Variants in CNTNAP5 observed in about 807,000 individuals in gnomAD.
The protein encoded by CNTNAP5 is contactin associated protein family member 5.
In CNTNAP5, 72 loss-of-function variants were observed where a neutral mutation model predicts 150.2. The observed-to-expected ratio is 0.48, with a 90% CI of 0.40 to 0.58. The LOEUF (loss-of-function observed/expected upper bound fraction) is 0.58, where lower values mean the gene tolerates loss of function less well. Ranked by LOEUF, CNTNAP5 falls within the 20% of genes least tolerant of loss-of-function variation. The pLI is 0.00. For synonymous variants in CNTNAP5, 672 were observed against 619.8 expected, an observed-to-expected ratio of 1.08 and a Z score of -1.25; for missense variants, 1,636 against 1,626.2, an observed-to-expected ratio of 1.01 and a Z score of -0.10.
intron 3 of CNTNAP5, among the ~76,000 whole-genome samples, chr2:124,292,295 C>G (rs1688315955): frequency 6.6e-6 from 1 of 151,978 alleles, no homozygotes; most frequent in Non-Finnish European, 1.5e-5. Flanking sequence ...TAATGTAGCA[C>G]CAAAAGCCTT....
intron 13 of CNTNAP5, among the ~76,000 whole-genome samples, chr2:124,686,193 A>G (rs1360798724): frequency 6.6e-6 from 1 of 152,052 alleles, no homozygotes; most frequent in African/African-American, 2.4e-5. Flanking sequence ...TTTGCTCAGC[A>G]CTCAGCTGTG....
chr2:124,280,974 T>C (rs1687998113), intron 3 of CNTNAP5, among the ~76,000 whole-genome samples: 1 of 152,170 alleles, frequency 6.6e-6, no homozygotes, highest in Admixed American at 6.5e-5. Context: ...ATATTTCTTC[T>C]ACTGCCACTC....
intron 1 of CNTNAP5, among the ~76,000 whole-genome samples, chr2:124,056,660 C>G (rs1450422205): frequency 1.3e-5 from 2 of 151,884 alleles, no homozygotes; most frequent in Admixed American, 6.6e-5. Flanking sequence ...ACAACAAGAA[C>G]AACAACAACA....
chr2:124,682,448 C>T (rs1452914087), intron 13 of CNTNAP5, among the ~76,000 whole-genome samples: 1 of 152,138 alleles, frequency 6.6e-6, no homozygotes, highest in Non-Finnish European at 1.5e-5. Flanking sequence ...AAAGTGTTGA[C>T]TGTGCTCTAA....
chr2:124,257,663 T>G (rs1487327086), intron 3 of CNTNAP5, among the ~76,000 whole-genome samples: 2 of 152,142 alleles, frequency 1.3e-5, no homozygotes, highest in Non-Finnish European at 2.9e-5. Context: ...CCTTTCTCCT[T>G]TCTGGGTCAT....
intron 1 of CNTNAP5, among the ~76,000 whole-genome samples, chr2:124,043,613 T>A (rs1681448893): frequency 6.6e-6 from 1 of 152,232 alleles, no homozygotes; most frequent in South Asian, 2.1e-4. Context: ...GCCAATGTTT[T>A]CTTTAAAATA....
intron 2 of CNTNAP5, among the ~76,000 whole-genome samples, chr2:124,234,673 C>G (rs1686702886): frequency 6.6e-6 from 1 of 152,114 alleles, no homozygotes; most frequent in African/African-American, 2.4e-5. Context: ...AGACTGCCCT[C>G]CTGCCAAACC....
chr2:124,029,109 G>T (rs560475953), intron 1 of CNTNAP5, among the ~76,000 whole-genome samples: 295 of 151,998 alleles, frequency 1.9e-3, no homozygotes, highest in Non-Finnish European at 3.2e-3. Context: ...TACATATTAG[G>T]GTCACACAAA....
At chr2:124,674,939 G>A (rs1177878826) in intron 13 of CNTNAP5, among the ~76,000 whole-genome samples, 1 of 151,958 alleles carries the variant, frequency 6.6e-6, no homozygotes, top group Non-Finnish European at 1.5e-5. Flanking sequence ...GTACTTACAA[G>A]ATTATGCATT....
chr2:124,766,404 CA>C (rs58567330), intron 16 of CNTNAP5, among the ~76,000 whole-genome samples: 7,408 of 124,576 alleles, frequency 0.059, 446 homozygotes, highest in African/African-American at 0.16. Flanking sequence ...GAAAAGGAGA[CA>C]AAAAAAAAAA....
rs10203143 is a variant in CNTNAP5, at chr2:124,065,531, A to G, written c.82+39799A>G. Among the ~76,000 whole-genome samples the G allele has an allele frequency of 2.1e-3, 319 of 152,312 alleles. 4 individuals are homozygous for G. Among genetic ancestry groups the G allele is most frequent in the African/African-American group, 7.2e-3 (299 of 41,556 alleles). On this transcript the variant is annotated intron_variant, in intron 1 of 23. Coordinates refer to ENST00000682447, the MANE Select transcript of CNTNAP5 (RefSeq NM_001367498.1). ...ACATGAATGAGTCACACAGGGTCAG[A>G]TGCCAGCTCTACCAAGTTCAAGCAT...
At chr2:124,890,236 C>T (rs1018797939) in intron 21 of CNTNAP5, among the ~76,000 whole-genome samples, 6 of 152,194 alleles carry the variant, frequency 3.9e-5, no homozygotes, top group Non-Finnish European at 7.4e-5. Flanking sequence ...TAAAATCTTT[C>T]TCTGGTCATA....
At chr2:124,705,291 G>A (rs951344892) in intron 13 of CNTNAP5, among the ~76,000 whole-genome samples, 2 of 152,088 alleles carry the variant, frequency 1.3e-5, no homozygotes, top group Admixed American at 6.5e-5. Context: ...ACTTTGGGAG[G>A]CCGAGGCAGG....
intron 19 of CNTNAP5, among the ~76,000 whole-genome samples, chr2:124,835,071 A>G (rs1682801077): frequency 6.6e-6 from 1 of 152,098 alleles, no homozygotes; most frequent in Non-Finnish European, 1.5e-5. Context: ...AGGGATCATA[A>G]TTAATAATGA....
intron 13 of CNTNAP5, among the ~76,000 whole-genome samples, chr2:124,694,470 G>A (rs1300475284): frequency 6.6e-6 from 1 of 152,092 alleles, no homozygotes; most frequent in Non-Finnish European, 1.5e-5. Flanking sequence ...AGTCTGAAAT[G>A]ATCTTCATAG....
intron 12 of CNTNAP5, among the ~76,000 whole-genome samples, chr2:124,616,278 T>G (rs1398112558): frequency 1.3e-5 from 2 of 152,216 alleles, no homozygotes; most frequent in African/African-American, 4.8e-5. Flanking sequence ...TGTTATACCT[T>G]ATGGGTAACT....
chr2:124,196,616 T>G (rs879168621), intron 1 of CNTNAP5, among the ~76,000 whole-genome samples: 7 of 152,200 alleles, frequency 4.6e-5, no homozygotes, highest in Admixed American at 4.6e-4. Flanking sequence ...ATGTGTTGTC[T>G]TGAACCCCAA....
At position 124,869,713 on chromosome 2, in the gene CNTNAP5, G is replaced by A. The variant is rs373087091; in HGVS notation, c.3387G>A (p.Pro1129=). The A allele has an allele frequency of 2.0e-5, 33 of 1,611,882 alleles. No individual in the cohort carries two copies. Among genetic ancestry groups the A allele is most frequent in the South Asian group, 8.8e-5 (8 of 90,960 alleles). Residue 1129 remains proline, a synonymous_variant, in exon 21 of 24, where the codon CCG becomes CCA. Coordinates refer to ENST00000682447, the MANE Select transcript of CNTNAP5 (RefSeq NM_001367498.1). The stretch of plus-strand genomic sequence containing the variant: ...TTCGACTCAGTTATAACTTCTCTCC[G>A]GAAGTAGAGTTCAGGGTTATAAGGT... ...QQLRLSYNFS[P]EVEFRVIRSL...
chr2:124,532,063 G>C (rs1214660822), intron 10 of CNTNAP5, among the ~76,000 whole-genome samples: 1 of 152,130 alleles, frequency 6.6e-6, no homozygotes, highest in Non-Finnish European at 1.5e-5. Context: ...TTAAGCTGTA[G>C]GGTGTGGGTT....
Sources: allele counts gnomAD v4.1 joint callset (sites outside exome capture counted in the v4.1 genomes callset), GRCh38; gene constraint gnomAD v4.1.1; transcripts MANE v1.5; gene names NCBI Gene and HGNC (gene_info 2026-07-23, HGNC 2026-07-21).